Variants in PRKG1 observed in about 807,000 individuals in gnomAD.
PRKG1 encodes protein kinase cGMP-dependent 1.
A neutral mutation model predicts 88.1 loss-of-function variants in PRKG1; 35 were observed. That is an observed-to-expected ratio of 0.40 (90% CI 0.30 to 0.53). PRKG1 has a LOEUF of 0.53. Among genes scored for constraint, PRKG1 ranks in the 20% least tolerant of loss-of-function variants. The pLI, the probability that PRKG1 is intolerant of heterozygous loss-of-function variation, is 0.59. For missense variants in PRKG1, 540 were observed against 839.8 expected, an observed-to-expected ratio of 0.64 and a Z score of 4.41; for synonymous variants, 303 against 292.5, an observed-to-expected ratio of 1.04 and a Z score of -0.37.
chr10:51,765,009 A>G (rs1838121917), intron 3 of PRKG1, among the ~76,000 whole-genome samples: 2 of 152,202 alleles, frequency 1.3e-5, no homozygotes, highest in African/African-American at 4.8e-5. Flanking sequence ...CTAAACTGTG[A>G]GAAATAAATT....
chr10:51,287,155 G>A lies in PRKG1; in HGVS notation c.478+133825G>A, dbSNP rs544151367. ...GACTCCCAAAGTGCTGGTATTACAC[G>A]TATAAGCCACTGCGCCTGGCCCTAT... On this transcript the variant is annotated intron_variant, in intron 2 of 17. Coordinates refer to ENST00000373980, the MANE Select transcript of PRKG1 (RefSeq NM_006258.4). Among the ~76,000 whole-genome samples the A allele has an allele frequency of 3.9e-5, 6 of 152,242 alleles. No homozygotes were observed. In the East Asian group the frequency reaches 1.2e-3, roughly 29 times the overall value.
At position 51,433,623 on chromosome 10, in the gene PRKG1, C is replaced by G. The variant is rs1378553675; in HGVS notation, c.479-34100C>G. 1.2e-4 allele frequency among the ~76,000 whole-genome samples: 16 copies of G among 129,542 alleles called. 1 individual carries two copies. Among genetic ancestry groups the G allele is most frequent in the Admixed American group, 1.2e-3 (16 of 13,200 alleles). The allele number at this position is 129,542 out of a possible 152,430, so 85.0% of individuals were successfully genotyped here. A position where few individuals can be genotyped will look rare whatever the true frequency, so the allele number is the denominator to read the frequency against. On this transcript the variant is annotated intron_variant, in intron 2 of 17. Transcript: ENST00000373980. ...GATTTTGTAAAATACTAGACACCAG[C>G]AATAGGGGCCTTTTAGTGATCTACA...
intron 8 of PRKG1, among the ~76,000 whole-genome samples, chr10:52,145,259 A>G (rs956200294): frequency 6.6e-6 from 1 of 152,164 alleles, no homozygotes; most frequent in Non-Finnish European, 1.5e-5. Flanking sequence ...ATTTTTTTCC[A>G]GTAAATGCTT....
chr10:51,297,705 C>A (rs1407614783), intron 2 of PRKG1, among the ~76,000 whole-genome samples: 1 of 152,092 alleles, frequency 6.6e-6, no homozygotes, highest in Admixed American at 6.5e-5. Context: ...ACTGATCAAT[C>A]TACACATACT....
chr10:52,111,801 T>C (rs1023315266), intron 7 of PRKG1, among the ~76,000 whole-genome samples: 19 of 152,212 alleles, frequency 1.2e-4, no homozygotes, highest in Admixed American at 1.2e-3. Flanking sequence ...GAAGACATTA[T>C]GAATCTTGAG....
At chr10:51,926,914 T>C (rs959486648) in intron 5 of PRKG1, among the ~76,000 whole-genome samples, 1 of 152,114 alleles carries the variant, frequency 6.6e-6, no homozygotes, top group Non-Finnish European at 1.5e-5. Context: ...CAATTTTATA[T>C]TTATAAAACA....
At chr10:51,286,835 A>G (rs547410012) in intron 2 of PRKG1, among the ~76,000 whole-genome samples, 1 of 152,312 alleles carries the variant, frequency 6.6e-6, no homozygotes, top group East Asian at 1.9e-4. Flanking sequence ...TCAGTAAGAT[A>G]CAGAGAGAGA....
At chr10:51,329,414 A>G (rs1197749483) in intron 2 of PRKG1, among the ~76,000 whole-genome samples, 1 of 152,140 alleles carries the variant, frequency 6.6e-6, no homozygotes, top group Non-Finnish European at 1.5e-5. Context: ...CTTCTGTTCC[A>G]TTGGTCTATG....
intron 3 of PRKG1, among the ~76,000 whole-genome samples, chr10:51,495,951 A>C (rs983884677): frequency 6.6e-6 from 1 of 152,178 alleles, no homozygotes; most frequent in Non-Finnish European, 1.5e-5. Context: ...CACAAGTTTT[A>C]AGCTGTTTTG....
At position 51,562,929 on chromosome 10, in the gene PRKG1, C is replaced by T. The variant is rs548123630; in HGVS notation, c.592+95093C>T. Among the ~76,000 whole-genome samples the T allele has an allele frequency of 2.6e-3, 371 of 142,460 alleles. 3 individuals carry two copies. The highest frequency in any genetic ancestry group is 9.4e-3 in the African/African-American group (360 of 38,314). 93.5% of individuals were successfully genotyped at this position (142,460 alleles called of 152,430 possible). The stretch of plus-strand genomic sequence containing the variant: ...GACTACAGGTGCATGCCACCATGCC[C>T]AGCTATTTTTTTTATTATTTTTATT... On this transcript the variant is annotated intron_variant, in intron 3 of 17. Transcript: ENST00000373980.
chr10:51,569,104 A>C (rs1837682090), intron 3 of PRKG1, among the ~76,000 whole-genome samples: 1 of 152,032 alleles, frequency 6.6e-6, no homozygotes, highest in Admixed American at 6.6e-5. Context: ...CAGAGTTTTG[A>C]TTTCTTCTTT....
chr10:51,054,320 A>C (rs1843602255), intron 1 of PRKG1, among the ~76,000 whole-genome samples: 1 of 152,234 alleles, frequency 6.6e-6, no homozygotes. Context: ...CAAATGAAAG[A>C]ATAAAGTATA....
intron 1 of PRKG1, among the ~76,000 whole-genome samples, chr10:51,086,164 C>G (rs1363229673): frequency 2.6e-5 from 4 of 152,140 alleles, no homozygotes; most frequent in Admixed American, 6.6e-5. Flanking sequence ...TGAAACTGTC[C>G]TCATGGAAAG....
intron 3 of PRKG1, among the ~76,000 whole-genome samples, chr10:51,545,653 C>T (rs1461061011): frequency 6.6e-6 from 1 of 152,042 alleles, no homozygotes; most frequent in African/African-American, 2.4e-5. Flanking sequence ...TAACAAGTTC[C>T]ATCATAGAAA....
At chr10:51,404,665 T>C (rs1337441501) in intron 2 of PRKG1, among the ~76,000 whole-genome samples, 2 of 152,222 alleles carry the variant, frequency 1.3e-5, no homozygotes, top group African/African-American at 4.8e-5. Flanking sequence ...GTGAATTCTG[T>C]CTGCTAATAA....
chr10:51,170,298 A>G (rs967604249), intron 2 of PRKG1, among the ~76,000 whole-genome samples: 3 of 152,148 alleles, frequency 2.0e-5, no homozygotes, highest in Admixed American at 2.0e-4. Flanking sequence ...GTGTGTTGAT[A>G]TAATACAGGG....
intron 2 of PRKG1, among the ~76,000 whole-genome samples, chr10:51,359,853 C>A (rs930273216): frequency 1.2e-4 from 18 of 152,030 alleles, no homozygotes; most frequent in South Asian, 6.2e-4. Context: ...AGAACTAGTT[C>A]TTTAATGCAG....
chr10:52,109,186 G>A (rs1847497648), intron 7 of PRKG1, among the ~76,000 whole-genome samples: 1 of 152,078 alleles, frequency 6.6e-6, no homozygotes, highest in African/African-American at 2.4e-5. Context: ...TCTCAGCGGG[G>A]GAGTGGCTAG....
upstream of PRKG1, among the ~76,000 whole-genome samples, chr10:51,072,105 G>T (rs1162981415): frequency 6.6e-6 from 1 of 152,142 alleles, no homozygotes; most frequent in Non-Finnish European, 1.5e-5. Flanking sequence ...TGAGGCAGGA[G>T]AATCACTTGA....
Sources: allele counts gnomAD v4.1 joint callset (sites outside exome capture counted in the v4.1 genomes callset), GRCh38; gene constraint gnomAD v4.1.1; transcripts MANE v1.5; gene names NCBI Gene and HGNC (gene_info 2026-07-23, HGNC 2026-07-21).